Variants in FHIT observed in about 807,000 individuals in gnomAD.
FHIT encodes the protein bis(5'-adenosyl)-triphosphatase.
A neutral mutation model predicts 17.9 loss-of-function variants in FHIT; 19 were observed. The ratio of observed to expected loss-of-function variants is 1.06; its 90% CI spans 0.74 to 1.56. FHIT has a LOEUF of 1.56. Among genes scored for constraint, FHIT ranks in the 40% most tolerant of loss-of-function variants. FHIT has a pLI of 0.00. For synonymous variants in FHIT, 81 were observed against 69.7 expected, an observed-to-expected ratio of 1.16 and a Z score of -0.81; for missense variants, 248 against 189.2, an observed-to-expected ratio of 1.31 and a Z score of -1.82.
chr3:60,747,823 A>G (rs1356519038), intron 4 of FHIT, among the ~76,000 whole-genome samples: 3 of 152,196 alleles, frequency 2.0e-5, no homozygotes, highest in African/African-American at 7.2e-5. Context: ...GTGATTTTTC[A>G]AGGTTATATA....
Position 60,510,672 on chromosome 3 carries a change from G to A in FHIT, c.103+26188C>T, listed in dbSNP as rs117155057. Among the ~76,000 whole-genome samples the A allele has an allele frequency of 3.1e-3, 468 of 152,186 alleles. 7 individuals are homozygous for A. In the East Asian group the frequency reaches 0.036, roughly 12 times the overall value. ...GTCTCTGGTATTTACTAGCTGAAGG[G>A]CTGTGGGCAATCATGTTACCTTCTT... On this transcript the variant is annotated intron_variant, in intron 5 of 9. Transcript: ENST00000492590.
chr3:60,320,497 T>G (rs1274961871), intron 5 of FHIT, among the ~76,000 whole-genome samples: 1 of 152,226 alleles, frequency 6.6e-6, no homozygotes, highest in Admixed American at 6.5e-5. Flanking sequence ...TTTTAACAGC[T>G]GTAACGCTAA....
intron 5 of FHIT, among the ~76,000 whole-genome samples, chr3:60,061,960 C>A (rs17061988): frequency 4.6e-5 from 7 of 151,364 alleles, no homozygotes; most frequent in South Asian, 2.1e-4. Context: ...ATGAGAAAGA[C>A]TGACTTACTG....
chr3:60,396,950 A>G (rs1328311670), intron 5 of FHIT, among the ~76,000 whole-genome samples: 5 of 152,112 alleles, frequency 3.3e-5, no homozygotes, highest in Non-Finnish European at 7.4e-5. Flanking sequence ...TTAATTTGGG[A>G]GGATGTGGGA....
At chr3:60,013,495 T>C (rs1042767099) in intron 6 of FHIT, among the ~76,000 whole-genome samples, 4 of 152,180 alleles carry the variant, frequency 2.6e-5, no homozygotes, top group African/African-American at 9.7e-5. Flanking sequence ...AAATCTTCAG[T>C]GACTGGGGAT....
chr3:60,309,442 T>C (rs1344036449), intron 5 of FHIT, among the ~76,000 whole-genome samples: 2 of 152,010 alleles, frequency 1.3e-5, no homozygotes, highest in Admixed American at 6.6e-5. Context: ...CTAAAAAAAA[T>C]ACACTGCAGA....
intron 5 of FHIT, among the ~76,000 whole-genome samples, chr3:60,352,106 G>T (rs1699436314): frequency 6.6e-6 from 1 of 152,130 alleles, no homozygotes; most frequent in Non-Finnish European, 1.5e-5. Flanking sequence ...CAGCACTGAG[G>T]AGCATGCCTT....
At chr3:60,401,901 T>G (rs1033357911) in intron 5 of FHIT, among the ~76,000 whole-genome samples, 9 of 152,144 alleles carry the variant, frequency 5.9e-5, no homozygotes, top group Admixed American at 5.9e-4. Context: ...ACCTCAACAG[T>G]TGAGTGTTCT....
intron 4 of FHIT, among the ~76,000 whole-genome samples, chr3:60,729,691 G>T (rs1298451235): frequency 1.3e-5 from 2 of 151,916 alleles, no homozygotes; most frequent in African/African-American, 4.8e-5. Context: ...GTACTATCAG[G>T]CTTTGTGCTG....
At chr3:61,183,671 G>A (rs2038413609) in intron 2 of FHIT, among the ~76,000 whole-genome samples, 1 of 152,168 alleles carries the variant, frequency 6.6e-6, no homozygotes, top group Admixed American at 6.6e-5. Context: ...AGTGACTGTA[G>A]TATATCAAAA....
At chr3:61,077,750 T>C (rs1451621053) in intron 2 of FHIT, among the ~76,000 whole-genome samples, 2 of 152,252 alleles carry the variant, frequency 1.3e-5, no homozygotes, top group South Asian at 4.1e-4. Flanking sequence ...ACCCATCTCA[T>C]AGTGTGTTTT....
intron 5 of FHIT, among the ~76,000 whole-genome samples, chr3:60,045,536 A>T (rs1263870998): frequency 6.6e-6 from 1 of 152,118 alleles, no homozygotes; most frequent in African/African-American, 2.4e-5. Flanking sequence ...AACACGTGAG[A>T]TTTGGGTGGG....
chr3:61,117,545 T>A, intron 2 of FHIT, among the ~76,000 whole-genome samples: 1 of 152,188 alleles, frequency 6.6e-6, no homozygotes, highest in Non-Finnish European at 1.5e-5. Context: ...GACAAAGGAA[T>A]GCAAACAGGG....
chr3:60,035,505 C>G (rs1050537627), intron 5 of FHIT, among the ~76,000 whole-genome samples: 1 of 152,198 alleles, frequency 6.6e-6, no homozygotes, highest in East Asian at 1.9e-4. Context: ...CAGGCGTGAG[C>G]CACCACACCC....
At chr3:60,931,288 A>C (rs1440087095) in intron 3 of FHIT, among the ~76,000 whole-genome samples, 5 of 152,168 alleles carry the variant, frequency 3.3e-5, no homozygotes, top group African/African-American at 7.2e-5. Context: ...TGGGTGCAGC[A>C]CACCAACATG....
At chr3:60,042,762 C>G (rs1299777722) in intron 5 of FHIT, among the ~76,000 whole-genome samples, 1 of 151,584 alleles carries the variant, frequency 6.6e-6, no homozygotes, top group African/African-American at 2.4e-5. Flanking sequence ...CAACCCATAA[C>G]AGAGATGAGT....
intron 4 of FHIT, among the ~76,000 whole-genome samples, chr3:60,709,471 G>A (rs1333224590): frequency 6.6e-6 from 1 of 152,122 alleles, no homozygotes; most frequent in African/African-American, 2.4e-5. Flanking sequence ...AAAGTTACTT[G>A]CAGAGTAGAA....
intron 2 of FHIT, among the ~76,000 whole-genome samples, chr3:61,096,656 G>A (rs974882773): frequency 6.6e-6 from 1 of 152,180 alleles, no homozygotes; most frequent in African/African-American, 2.4e-5. Context: ...GAGCCAGAAG[G>A]CTTTATTCTG....
At chr3:60,150,217 G>A (rs1222208934) in intron 5 of FHIT, among the ~76,000 whole-genome samples, 5 of 151,850 alleles carry the variant, frequency 3.3e-5, no homozygotes, top group Admixed American at 1.3e-4. Context: ...GGCTGGTCTC[G>A]AGCTCCTGAC....
Sources: gnomAD v4.1 joint callset for allele counts (sites outside exome capture counted in the v4.1 genomes callset) on GRCh38, gnomAD v4.1.1 for gene constraint, MANE v1.5 for transcripts, NCBI Gene and HGNC (gene_info 2026-07-23, HGNC 2026-07-21) for gene names.